CCL22: variants seen among roughly 807,000 people sequenced by gnomAD.
The protein encoded by CCL22 is C-C motif chemokine 22.
Under a neutral mutation model 7.6 loss-of-function variants are expected in CCL22, and 7 were observed. That is an observed-to-expected ratio of 0.92 (90% CI 0.52 to 1.72). The LOEUF (loss-of-function observed/expected upper bound fraction) is 1.72, where lower values mean the gene tolerates loss of function less well. Ranked by LOEUF, CCL22 falls within the 40% of genes most tolerant of loss-of-function variation. CCL22 has a pLI of 0.00. For synonymous variants in CCL22, 55 were observed against 47.2 expected (o/e 1.17, Z -0.68); for missense variants, 115 against 124.7 (o/e 0.92, Z 0.37).
At chr16:57,360,639 G>T in intron 2 of CCL22, 79 bp downstream of exon 2, 3 of 1,526,542 alleles carry the variant, frequency 2.0e-6, no homozygotes, top group Non-Finnish European at 1.8e-6. Flanking sequence ...CTGGTGGGTG[G>T]GACACACCCA....
chr16:57,360,671 G>A, intron 2 of CCL22, 111 bp downstream of exon 2: 1 of 1,343,776 alleles, frequency 7.4e-7, no homozygotes, highest in Non-Finnish European at 1.0e-6. Flanking sequence ...AATGTGGCAG[G>A]GCTACCAGAT....
intron 2 of CCL22, 109 bp downstream of exon 2, chr16:57,360,669 A>T: frequency 7.4e-7 from 1 of 1,351,636 alleles, no homozygotes; most frequent in South Asian, 1.3e-5. Context: ...GGAATGTGGC[A>T]GGGCTACCAG....
At position 57,358,824 on chromosome 16, in the gene CCL22, G is replaced by T. The variant is rs186412735; in HGVS notation, c.8G>T (p.Arg3Leu). The part of the protein sequence containing the change: MD[R>L]LQTALLVVLV... ...AGACATACAGGACAGAGCATGGATC[G>T]CCTACAGACTGCACTCCTGGTTGTC... Residue 3 changes from arginine to leucine, a missense_variant, in exon 1 of 3, where the codon CGC (arginine) becomes CTC (leucine). By Grantham distance (102) the Arg-to-Leu change is moderately radical (BLOSUM62 -2). Transcript: ENST00000219235. 8.1e-6 allele frequency: 13 copies of T among 1,613,080 alleles called. No homozygotes were observed. Among genetic ancestry groups the T allele is most frequent in the Non-Finnish European group, 1.1e-5 (13 of 1,179,124 alleles).
upstream of CCL22, among the ~76,000 whole-genome samples, chr16:57,357,942 G>C (rs1452664290): frequency 6.6e-6 from 1 of 152,176 alleles, no homozygotes; most frequent in African/African-American, 2.4e-5. Flanking sequence ...GGTGAATGGG[G>C]AGCCACGGCA....
At position 57,364,638 on chromosome 16, in the gene CCL22, C is replaced by T. The variant is rs1902085247; in HGVS notation, c.*1050C>T. The T allele has an allele frequency of 6.6e-6, 1 of 151,896 alleles. No homozygotes were observed. Among genetic ancestry groups the T allele is most frequent in the Non-Finnish European group, 1.5e-5 (1 of 68,052 alleles). 9.4% of individuals were successfully genotyped at this position (151,896 alleles called of 1,614,324 possible). ...GGATTACAGGTTCCTGCTACCACGC[C>T]CAGCTAATTTTTGTATTTTTAGTAG... On this transcript the variant is annotated 3_prime_UTR_variant, in exon 3 of 3. Transcript: ENST00000219235.
rs1902104386 is a variant in CCL22, at chr16:57,365,819, T to A, written c.*2231T>A. The A allele has an allele frequency of 6.6e-6, 1 of 152,288 alleles. No homozygotes were observed. The highest frequency in any genetic ancestry group is 2.1e-4 in the South Asian group (1 of 4,836). 9.4% of individuals were successfully genotyped at this position (152,288 alleles called of 1,614,324 possible). On this transcript the variant is annotated 3_prime_UTR_variant, in exon 3 of 3. Coordinates refer to ENST00000219235, the MANE Select transcript of CCL22 (RefSeq NM_002990.5). ...TGTCCCAGGTAAAGGACATAAATGT[T>A]ACAAGTGTCTGGTCCTTTCTGAGGG...
rs992037787 is a variant in CCL22 at position 57,364,444 on chromosome 16, A to G, written c.*856A>G. Reference sequence around the variant, plus strand: ...CCAGCTGGGTCAATGTGAAGCCCCAAATTTGCCCAGATTCACCTTTCTTCC... The same window carrying G: ...CCAGCTGGGTCAATGTGAAGCCCCAGATTTGCCCAGATTCACCTTTCTTCC... On this transcript the variant is annotated 3_prime_UTR_variant, in exon 3 of 3. Coordinates refer to ENST00000219235, the MANE Select transcript of CCL22 (RefSeq NM_002990.5). 5 of 151,644 alleles carry G rather than the reference A, an allele frequency of 3.3e-5. No homozygotes were observed. The highest frequency in any genetic ancestry group is 4.9e-5 in the African/African-American group (2 of 41,188). The allele number at this position is 151,644 out of a possible 1,614,324, so 9.4% of individuals were successfully genotyped here.
At position 57,363,488 on chromosome 16, in the gene CCL22, G is replaced by C. The variant is rs772886642; in HGVS notation, c.198-16G>C. On this transcript the variant is annotated splice_polypyrimidine_tract_variant and intron_variant, in intron 2 of 2. Coordinates refer to ENST00000219235, the MANE Select transcript of CCL22 (RefSeq NM_002990.5). ...GCTAATGTTGCTGCATTGTCTCTGG[G>C]GTCTCCTTCTTCCAGGTTGCTAACC... 1 of 1,581,630 alleles carries C rather than the reference G, an allele frequency of 6.3e-7. No homozygotes were observed. The highest frequency in any genetic ancestry group is 8.7e-7 in the Non-Finnish European group (1 of 1,150,958).
upstream of CCL22, among the ~76,000 whole-genome samples, chr16:57,357,991 C>A (rs530637194): frequency 4.8e-4 from 73 of 152,268 alleles, no homozygotes; most frequent in African/African-American, 1.8e-3. Flanking sequence ...AGCTCTGGAC[C>A]ACTCACGCTG....
At position 57,359,304 on chromosome 16, in the gene CCL22, A is replaced by G. The variant is rs902251225; in HGVS notation, c.73+415A>G. Among the ~76,000 whole-genome samples the G allele has an allele frequency of 2.0e-5, 3 of 151,722 alleles. No homozygotes were observed. In the South Asian group the frequency reaches 6.2e-4, roughly 32 times the overall value. ...CATTTTTTAAAATGTTATTATTATTATTTTTTATTTTATTTTATTTTATTT... is the reference window on the plus strand; with the variant it reads ...CATTTTTTAAAATGTTATTATTATTGTTTTTTATTTTATTTTATTTTATTT... On this transcript the variant is annotated intron_variant, in intron 1 of 2. Coordinates refer to ENST00000219235, the MANE Select transcript of CCL22 (RefSeq NM_002990.5).
chr16:57,361,251 T>C (rs1902045799), intron 2 of CCL22, among the ~76,000 whole-genome samples: 1 of 78,040 alleles, frequency 1.3e-5, no homozygotes, highest in African/African-American at 4.2e-5. Context: ...AGAGGGAGAC[T>C]CTGTCTCAAA....
At chr16:57,363,222 T>G (rs554192666) in intron 2 of CCL22, among the ~76,000 whole-genome samples, 1 of 152,260 alleles carries the variant, frequency 6.6e-6, no homozygotes, top group South Asian at 2.1e-4. Flanking sequence ...CTTAAACCCC[T>G]AGGCTCAAAC....
intron 1 of CCL22, among the ~76,000 whole-genome samples, chr16:57,360,185 T>C (rs956786455): frequency 1.3e-5 from 2 of 152,226 alleles, no homozygotes; most frequent in Admixed American, 6.5e-5. Flanking sequence ...CAGCTGATGC[T>C]TAGTTGTTCT....
chr16:57,362,774 T>A (rs1311078804), intron 2 of CCL22, among the ~76,000 whole-genome samples: 2 of 151,980 alleles, frequency 1.3e-5, no homozygotes, highest in African/African-American at 4.8e-5. Flanking sequence ...GGCAGGAGGA[T>A]CGCCTGAACC....
chr16:57,360,477 T>A lies in CCL22; in HGVS notation c.114T>A (p.Arg38=). 6.2e-7 allele frequency: 1 copy of A among 1,614,226 alleles called. No individual in the cohort carries two copies. The highest frequency in any genetic ancestry group is 8.5e-7 in the Non-Finnish European group (1 of 1,180,018). Reference sequence around the variant, plus strand: ...ACATGGAAGACAGCGTCTGCTGCCGTGATTACGTCCGTTACCGTCTGCCCC... The same window carrying A: ...ACATGGAAGACAGCGTCTGCTGCCGAGATTACGTCCGTTACCGTCTGCCCC... ...GANMEDSVCC[R]DYVRYRLPLR... The change falls in exon 2 of 3, where the codon CGT becomes CGA. Residue 38 remains arginine (R), a synonymous_variant. Coordinates refer to ENST00000219235, the MANE Select transcript of CCL22 (RefSeq NM_002990.5).
At chr16:57,362,436 A>G (rs538205566) in intron 2 of CCL22, among the ~76,000 whole-genome samples, 2 of 152,224 alleles carry the variant, frequency 1.3e-5, no homozygotes, top group South Asian at 4.1e-4. Context: ...GCCTCAATAG[A>G]GTGAGACCCT....
At chr16:57,362,594 C>T (rs554015431) in intron 2 of CCL22, among the ~76,000 whole-genome samples, 33 of 152,234 alleles carry the variant, frequency 2.2e-4, no homozygotes, top group African/African-American at 7.7e-4. Flanking sequence ...GGCGCAGTGG[C>T]TCACTCCTAT....
chr16:57,363,425 A>T, intron 2 of CCL22, 79 bp from the exon 3 acceptor site: 1 of 884,266 alleles, frequency 1.1e-6, no homozygotes, highest in East Asian at 2.5e-5. Flanking sequence ...GTGGCTCATA[A>T]ATGCTAAGCT....
intron 2 of CCL22, 28 bp from the exon 3 acceptor site, chr16:57,363,476 C>T: frequency 6.6e-7 from 1 of 1,510,412 alleles, no homozygotes; most frequent in Non-Finnish European, 9.2e-7. Flanking sequence ...AATGTTGCTG[C>T]ATTGTCTCTG....
Sources: gnomAD v4.1 joint callset for allele counts (sites outside exome capture counted in the v4.1 genomes callset) on GRCh38, gnomAD v4.1.1 for gene constraint, MANE v1.5 for transcripts, NCBI Gene and HGNC (gene_info 2026-07-23, HGNC 2026-07-21) for gene names.